The following SLC2A13 variants were observed in gnomAD, a reference collection of about 807,000 sequenced individuals.
SLC2A13 encodes solute carrier family 2 member 13.
SLC2A13 carries 32 observed loss-of-function variants against 64.4 expected under a neutral mutation model. The observed-to-expected ratio is 0.50, with a 90% CI of 0.37 to 0.67. The LOEUF (loss-of-function observed/expected upper bound fraction) is 0.67, where lower values mean the gene tolerates loss of function less well. Ranked by LOEUF, SLC2A13 falls within the 30% of genes least tolerant of loss-of-function variation. SLC2A13 has a pLI of 0.00. For synonymous variants in SLC2A13, 338 were observed against 327.1 expected (o/e 1.03, Z -0.36); for missense variants, 743 against 829.2 (o/e 0.90, Z 1.28).
chr12:39,897,702 T>C (rs537142799), intron 4 of SLC2A13, among the ~76,000 whole-genome samples: 15 of 152,280 alleles, frequency 9.9e-5, no homozygotes, highest in African/African-American at 3.4e-4. Flanking sequence ...TTGCAATTAA[T>C]TGGCCTAATG....
chr12:39,761,228 C>A (rs1423912331), intron 9 of SLC2A13, among the ~76,000 whole-genome samples: 1 of 147,360 alleles, frequency 6.8e-6, no homozygotes, highest in Non-Finnish European at 1.5e-5. Flanking sequence ...CTTCTCTGGG[C>A]CTCTGTTGCC....
chr12:40,007,257 T>C (rs562061116), intron 3 of SLC2A13, among the ~76,000 whole-genome samples: 46 of 152,326 alleles, frequency 3.0e-4, no homozygotes, highest in African/African-American at 1.1e-3. Flanking sequence ...TGTTTCCTTA[T>C]ACATTAGGTT....
intron 3 of SLC2A13, among the ~76,000 whole-genome samples, chr12:40,002,720 G>C (rs750207369): frequency 3.3e-5 from 5 of 152,228 alleles, no homozygotes; most frequent in Admixed American, 2.6e-4. Flanking sequence ...CACTGAGGAA[G>C]GTAAAGACAC....
chr12:39,910,877 G>A (rs964827379), intron 4 of SLC2A13, among the ~76,000 whole-genome samples: 1 of 152,050 alleles, frequency 6.6e-6, no homozygotes, highest in Non-Finnish European at 1.5e-5. Flanking sequence ...GAAGTCAGGA[G>A]TTCAAGACCA....
chr12:39,973,431 C>G (rs1946702997), intron 3 of SLC2A13, among the ~76,000 whole-genome samples: 1 of 152,206 alleles, frequency 6.6e-6, no homozygotes, highest in African/African-American at 2.4e-5. Flanking sequence ...AGCCCAGATT[C>G]CTTCTCTTCT....
chr12:39,938,279 T>C (rs970432129), intron 4 of SLC2A13, among the ~76,000 whole-genome samples: 2 of 152,268 alleles, frequency 1.3e-5, no homozygotes, highest in Non-Finnish European at 2.9e-5. Context: ...ATGTAGCTTG[T>C]GGAGTTTACA....
intron 1 of SLC2A13, among the ~76,000 whole-genome samples, chr12:40,081,108 C>T (rs1252421905): frequency 6.6e-6 from 1 of 152,138 alleles, no homozygotes; most frequent in Non-Finnish European, 1.5e-5. Context: ...ATATGACCTG[C>T]CCCTACTCTT....
intron 7 of SLC2A13, among the ~76,000 whole-genome samples, chr12:39,782,673 AC>A (rs1941036158): frequency 6.6e-6 from 1 of 152,198 alleles, no homozygotes; most frequent in Non-Finnish European, 1.5e-5. Context: ...TGGGTAACAG[AC>A]AAAGGTTGGA....
At chr12:39,910,899 A>G (rs1337566156) in intron 4 of SLC2A13, among the ~76,000 whole-genome samples, 3 of 152,058 alleles carry the variant, frequency 2.0e-5, no homozygotes, top group Admixed American at 6.6e-5. Flanking sequence ...CCTGACCAAT[A>G]TGGTGAAACC....
chr12:39,917,757 C>T (rs963966938), intron 4 of SLC2A13, among the ~76,000 whole-genome samples: 1 of 152,024 alleles, frequency 6.6e-6, no homozygotes, highest in African/African-American at 2.4e-5. Flanking sequence ...AGTGGGACTT[C>T]TCAGTCTCTA....
At chr12:39,831,177 G>C (rs1942841039) in intron 6 of SLC2A13, among the ~76,000 whole-genome samples, 1 of 152,142 alleles carries the variant, frequency 6.6e-6, no homozygotes, top group Non-Finnish European at 1.5e-5. Flanking sequence ...AGGCAAGAAT[G>C]AGAAACAGAT....
intron 4 of SLC2A13, among the ~76,000 whole-genome samples, chr12:39,899,133 C>T (rs1017039506): frequency 6.6e-6 from 1 of 152,050 alleles, no homozygotes; most frequent in African/African-American, 2.4e-5. Context: ...GGTTGGTAAG[C>T]TATTGATTAT....
intron 1 of SLC2A13, among the ~76,000 whole-genome samples, chr12:40,085,388 T>C (rs1393966537): frequency 2.6e-5 from 4 of 152,208 alleles, no homozygotes; most frequent in African/African-American, 9.6e-5. Context: ...GTCTGAAGGC[T>C]GTTGGCATTG....
intron 4 of SLC2A13, among the ~76,000 whole-genome samples, chr12:39,872,964 C>T (rs1018359888): frequency 6.6e-6 from 1 of 152,172 alleles, no homozygotes; most frequent in Non-Finnish European, 1.5e-5. Flanking sequence ...TAAAAATCTA[C>T]AGTTTGTGAA....
At chr12:40,038,626 G>C (rs1025014210) in intron 2 of SLC2A13, among the ~76,000 whole-genome samples, 5 of 151,704 alleles carry the variant, frequency 3.3e-5, no homozygotes, top group Non-Finnish European at 7.4e-5. Flanking sequence ...AGCTACTCAG[G>C]AGGCTGAGGC....
At chr12:39,896,478 A>ACATG (rs1944900400) in intron 4 of SLC2A13, among the ~76,000 whole-genome samples, 1 of 138,308 alleles carries the variant, frequency 7.2e-6, no homozygotes, top group African/African-American at 2.8e-5. Context: ...ATATATGTAT[A>ACATG]TGTGTATATA....
Position 39,931,100 on chromosome 12 carries a change from C to A in SLC2A13, c.1034+20157G>T, listed in dbSNP as rs555684769. On this transcript the variant is annotated intron_variant, in intron 4 of 9. Coordinates refer to ENST00000280871, the MANE Select transcript of SLC2A13 (RefSeq NM_052885.4). Reference sequence around the variant, plus strand: ...GCCCCAGTCATTTCAGTTTTTCTGACTTTAGAAATCATTTGAATTGTCAAC... The same window carrying A: ...GCCCCAGTCATTTCAGTTTTTCTGAATTTAGAAATCATTTGAATTGTCAAC... Among the ~76,000 whole-genome samples the A allele has an allele frequency of 8.5e-5, 13 of 152,230 alleles. No individual in the cohort carries two copies. The South Asian group carries it at 2.5e-3, about 29-fold the overall frequency.
chr12:39,828,523 C>CT (rs1205678705), intron 7 of SLC2A13, among the ~76,000 whole-genome samples: 4 of 152,080 alleles, frequency 2.6e-5, no homozygotes, highest in African/African-American at 9.7e-5. Context: ...AAAACTCCTG[C>CT]TTTGAGGCCT....
At chr12:39,819,806 G>A (rs961601013) in intron 7 of SLC2A13, 1 of 152,910 alleles carries the variant, frequency 6.5e-6, no homozygotes, top group Non-Finnish European at 1.5e-5. Flanking sequence ...TCAATGCAGA[G>A]AAAAATAACA....
Sources: gnomAD v4.1 joint callset for allele counts (sites outside exome capture counted in the v4.1 genomes callset) on GRCh38, gnomAD v4.1.1 for gene constraint, MANE v1.5 for transcripts, NCBI Gene and HGNC (gene_info 2026-07-23, HGNC 2026-07-21) for gene names.